NTNG1: variants seen among roughly 807,000 people sequenced by gnomAD.
NTNG1 encodes the protein netrin G1.
Under a neutral mutation model 54.0 loss-of-function variants are expected in NTNG1, and 16 were observed. The ratio of observed to expected loss-of-function variants is 0.30; its 90% CI spans 0.20 to 0.45. The LOEUF (loss-of-function observed/expected upper bound fraction) is 0.45, where lower values mean the gene tolerates loss of function less well. Ranked by LOEUF, NTNG1 falls within the 20% of genes least tolerant of loss-of-function variation. NTNG1 has a pLI of 1.00. For missense variants in NTNG1, 530 were observed against 678.7 expected (o/e 0.78, Z 2.43); for synonymous variants, 255 against 263.1 (o/e 0.97, Z 0.30).
intron 2 of NTNG1, among the ~76,000 whole-genome samples, chr1:107,296,163 T>C (rs913974058): frequency 2.0e-5 from 3 of 152,182 alleles, no homozygotes; most frequent in African/African-American, 7.2e-5. Flanking sequence ...ATTTACTGAC[T>C]GTTACCTATC....
At chr1:107,151,339 CA>C (rs1654554488) in intron 2 of NTNG1, among the ~76,000 whole-genome samples, 1 of 152,112 alleles carries the variant, frequency 6.6e-6, no homozygotes, top group Non-Finnish European at 1.5e-5. Flanking sequence ...GCTGTCATAT[CA>C]AACCTGTTTA....
intron 1 of NTNG1, among the ~76,000 whole-genome samples, chr1:107,144,611 G>GA (rs1473040231): frequency 6.6e-6 from 1 of 151,938 alleles, no homozygotes; most frequent in African/African-American, 2.4e-5. Context: ...AAGGGCCTGT[G>GA]AAAATGGCTT....
At chr1:107,407,531 A>G (rs1673508357) in intron 4 of NTNG1, 151 bp from the exon 5 acceptor site, 2 of 613,108 alleles carry the variant, frequency 3.3e-6, no homozygotes, top group South Asian at 4.1e-5. Flanking sequence ...ATATGCATAT[A>G]TATGTGCACC....
At chr1:107,430,269 G>C (rs774030427) in intron 5 of NTNG1, among the ~76,000 whole-genome samples, 6 of 152,124 alleles carry the variant, frequency 3.9e-5, no homozygotes, top group Non-Finnish European at 8.8e-5. Flanking sequence ...CTGAGTTGCT[G>C]TCTTGGCATG....
At chr1:107,416,877 C>T (rs1674243411) in intron 5 of NTNG1, among the ~76,000 whole-genome samples, 2 of 151,990 alleles carry the variant, frequency 1.3e-5, no homozygotes, top group Middle Eastern at 6.8e-3. Flanking sequence ...GCTAGTTAAC[C>T]GAACTAAGAT....
intron 2 of NTNG1, among the ~76,000 whole-genome samples, chr1:107,185,023 G>A (rs1275095046): frequency 1.3e-5 from 2 of 152,128 alleles, no homozygotes; most frequent in African/African-American, 4.8e-5. Flanking sequence ...GATGCTGGCT[G>A]TCAGTTGGAA....
intron 4 of NTNG1, among the ~76,000 whole-genome samples, chr1:107,401,203 G>A (rs1482574215): frequency 4.6e-5 from 7 of 152,068 alleles, no homozygotes; most frequent in Admixed American, 1.3e-4. Context: ...ATCGGATGGC[G>A]GATTTTCACA....
intron 2 of NTNG1, among the ~76,000 whole-genome samples, chr1:107,317,265 C>CT (rs1417221347): frequency 6.6e-6 from 1 of 152,128 alleles, no homozygotes; most frequent in African/African-American, 2.4e-5. Flanking sequence ...TGCTAACAGC[C>CT]TACTTTAGCT....
chr1:107,338,529 T>C (rs1442450739), intron 3 of NTNG1, among the ~76,000 whole-genome samples: 2 of 151,888 alleles, frequency 1.3e-5, no homozygotes, highest in Non-Finnish European at 2.9e-5. Flanking sequence ...CTACATGAAC[T>C]TGGGATGGAA....
At chr1:107,191,333 G>T (rs375126242) in intron 2 of NTNG1, among the ~76,000 whole-genome samples, 10 of 149,256 alleles carry the variant, frequency 6.7e-5, no homozygotes, top group Admixed American at 2.0e-4. Context: ...ATTAGCCCTT[G>T]GTCAGATGAG....
At chr1:107,476,042 A>G (rs1241796224) in intron 7 of NTNG1, among the ~76,000 whole-genome samples, 2 of 152,244 alleles carry the variant, frequency 1.3e-5, no homozygotes, top group African/African-American at 2.4e-5. Flanking sequence ...GACAGAGTCA[A>G]TCAAGAACAT....
At chr1:107,318,531 CA>C (rs34623522) in intron 2 of NTNG1, among the ~76,000 whole-genome samples, 28,050 of 139,668 alleles carry the variant, frequency 0.2, 4,124 homozygotes, top group African/African-American at 0.43. Flanking sequence ...TGTGAAATTG[CA>C]AAAAAAAAAA....
chr1:107,170,401 C>A (rs1557777680), intron 2 of NTNG1, among the ~76,000 whole-genome samples: 3 of 151,994 alleles, frequency 2.0e-5, no homozygotes, highest in African/African-American at 7.2e-5. Context: ...TTTTATTTAT[C>A]TTTATGATCA....
At chr1:107,222,737 G>A (rs1660423395) in intron 2 of NTNG1, among the ~76,000 whole-genome samples, 1 of 150,740 alleles carries the variant, frequency 6.6e-6, no homozygotes, top group East Asian at 2.0e-4. Context: ...TATAGGAGGA[G>A]ACAAGGTAGT....
At chr1:107,233,287 T>C (rs1661189571) in intron 2 of NTNG1, among the ~76,000 whole-genome samples, 1 of 152,238 alleles carries the variant, frequency 6.6e-6, no homozygotes, top group Non-Finnish European at 1.5e-5. Context: ...TATTGTGCTT[T>C]GTAGATTTCA....
At chr1:107,355,423 C>A (rs1047494919) in intron 3 of NTNG1, among the ~76,000 whole-genome samples, 4 of 151,828 alleles carry the variant, frequency 2.6e-5, no homozygotes, top group Admixed American at 2.0e-4. Context: ...AATAATAAAG[C>A]AAATTTATGT....
At chr1:107,423,260 T>C (rs1159412604) in intron 5 of NTNG1, among the ~76,000 whole-genome samples, 1 of 152,084 alleles carries the variant, frequency 6.6e-6, no homozygotes, top group Non-Finnish European at 1.5e-5. Context: ...TAGTACTCAA[T>C]GGGGATGTGG....
chr1:107,423,147 A>T (rs1045293083), intron 5 of NTNG1, among the ~76,000 whole-genome samples: 1 of 152,032 alleles, frequency 6.6e-6, no homozygotes, highest in Non-Finnish European at 1.5e-5. Context: ...ATTGCTCTTA[A>T]CTGTCTAGGT....
In NTNG1 at chr1:107,472,598, G is replaced by A. The variant is rs74110924; in HGVS notation, c.1391-8013G>A. Among the ~76,000 whole-genome samples the A allele has an allele frequency of 5.5e-3, 839 of 152,282 alleles. 11 individuals carry two copies. The highest frequency in any genetic ancestry group is 0.02 in the African/African-American group (814 of 41,554). ...GTCCAAGGCCTTGTCGTAAATGGAT[G>A]ACTAGTGAGACCCAGATCTCAGGTT... On this transcript the variant is annotated intron_variant, in intron 7 of 7. Transcript: ENST00000370068.
Sources: allele counts gnomAD v4.1 joint callset (sites outside exome capture counted in the v4.1 genomes callset), GRCh38; gene constraint gnomAD v4.1.1; transcripts MANE v1.5; gene names NCBI Gene and HGNC (gene_info 2026-07-23, HGNC 2026-07-21).